Variants in IGSF8 observed in about 807,000 individuals in gnomAD.
The protein encoded by IGSF8 is immunoglobulin superfamily member 8, also known as CD81 partner 3.
A neutral mutation model predicts 55.5 loss-of-function variants in IGSF8; 46 were observed. The ratio of observed to expected loss-of-function variants is 0.83; its 90% confidence interval spans 0.65 to 1.06. The LOEUF (loss-of-function observed/expected upper bound fraction) is 1.06, where lower values mean the gene tolerates loss of function less well. IGSF8 is among the 50% of genes least tolerant of loss of function. The pLI, the probability that IGSF8 is intolerant of heterozygous loss-of-function variation, is 0.00. For missense variants in IGSF8, 731 were observed against 832.3 expected (o/e 0.88, Z 1.50); for synonymous variants, 314 against 356.1 (o/e 0.88, Z 1.33).
In IGSF8 at chr1:160,094,858, G is replaced by A. The variant is rs745985326; in HGVS notation, c.442+11C>T. On this transcript the variant is annotated intron_variant, in intron 2 of 6. Coordinates refer to ENST00000314485, the MANE Select transcript of IGSF8 (RefSeq NM_052868.6). This position sits in a 1 kb window ranked among gnomAD's most constrained non-coding sequence, Gnocchi z 4.0. ...GGGTGTGTGGCTCCACCCCGTCCCA[G>A]GGCCCAGTACCTCTCAGCTCCACCT... 2 of 1,602,208 alleles carry A rather than the reference G, an allele frequency of 1.2e-6. No homozygotes were observed. Among genetic ancestry groups the A allele is most frequent in the Admixed American group, 3.4e-5 (2 of 59,632 alleles).
At chr1:160,093,634 AC>A (rs1650179320) in intron 3 of IGSF8, 75 bp downstream of exon 3, 8 of 1,171,214 alleles carry the variant, frequency 6.8e-6, no homozygotes, top group East Asian at 2.5e-5. Flanking sequence ...GCTATCTGGT[AC>A]CCCCTGTGGC....
Position 160,091,523 on chromosome 1 carries a change from A to T in IGSF8, c.*101T>A. On this transcript the variant is annotated 3_prime_UTR_variant, in exon 7 of 7. Coordinates refer to ENST00000314485, the MANE Select transcript of IGSF8 (RefSeq NM_052868.6). The stretch of plus-strand genomic sequence containing the variant: ...GGTAGTGGGAGGTCAAATAAATTAA[A>T]GGAAGAGTGGACAGAGGGAGAGGGT... The T allele has an allele frequency of 5.5e-6, 2 of 362,930 alleles. No individual in the cohort carries two copies. The highest frequency in any genetic ancestry group is 3.4e-5 in the South Asian group (1 of 29,402). The allele number at this position is 362,930 out of a possible 1,614,324, so 22.5% of individuals were successfully genotyped here.
chr1:160,094,861 C>T lies in IGSF8; in HGVS notation c.442+8G>A, dbSNP rs149750540. ...TGTGTGGCTCCACCCCGTCCCAGGG[C>T]CCAGTACCTCTCAGCTCCACCTTGC... On this transcript the variant is annotated splice_region_variant and intron_variant, in intron 2 of 6. Transcript: ENST00000314485. This position sits in a 1 kb window ranked among gnomAD's most constrained non-coding sequence, Gnocchi z 4.0. The T allele has an allele frequency of 1.3e-4, 216 of 1,608,694 alleles. No homozygotes were observed. Among genetic ancestry groups the T allele is most frequent in the Non-Finnish European group, 1.7e-4 (196 of 1,176,672 alleles).
In IGSF8 at chr1:160,093,221, C is replaced by T. The variant is rs776290606; in HGVS notation, c.1015G>A (p.Ala339Thr). ...ATCTCCCAACCTACAGAGTATGCAG[C>T]ATGACGGCCTGCTGGGGGAAGTGCC... ...SGALPPAGRH[A>T]AYSVGWEMAP... Residue 339 changes from alanine (A) to threonine (T), a missense_variant, in exon 4 of 7, where the codon GCT (alanine) becomes ACT (threonine). By Grantham distance (58) the Ala-to-Thr change is moderately conservative. Coordinates refer to ENST00000314485, the MANE Select transcript of IGSF8 (RefSeq NM_052868.6). 2.5e-6 allele frequency: 4 copies of T among 1,613,956 alleles called. No homozygotes were observed. The East Asian group carries it at 8.9e-5, about 36-fold the overall frequency.
intron 1 of IGSF8, among the ~76,000 whole-genome samples, chr1:160,097,335 T>C (rs986397440): frequency 2.0e-5 from 3 of 152,078 alleles, no homozygotes; most frequent in Admixed American, 2.0e-4. Flanking sequence ...CTGTACATCC[T>C]CCTGCCACCT....
At chr1:160,096,289 T>G (rs537340466) in intron 1 of IGSF8, among the ~76,000 whole-genome samples, 1 of 152,152 alleles carries the variant, frequency 6.6e-6, no homozygotes, top group Admixed American at 6.5e-5. Context: ...TCTCCCAATT[T>G]TACAGATGAG....
intron 4 of IGSF8, 68 bp downstream of exon 4, chr1:160,092,856 G>A: frequency 1.3e-6 from 2 of 1,523,800 alleles, no homozygotes; most frequent in East Asian, 2.3e-5. Context: ...AGAGGGAGGG[G>A]TCATGGAAAC....
At chr1:160,093,612 A>G (rs1417399386) in intron 3 of IGSF8, 98 bp downstream of exon 3, 1 of 996,204 alleles carries the variant, frequency 1.0e-6, no homozygotes, top group South Asian at 1.7e-5. Context: ...AGTTCCTTGG[A>G]GTCAGATGAT....
At position 160,092,933 on chromosome 1, in the gene IGSF8, G is replaced by A. The variant is rs763458807; in HGVS notation, c.1303C>T (p.Arg435Trp). Residue 435 changes from arginine to tryptophan, a missense_variant, in exon 4 of 7, where the codon CGG becomes TGG. Transcript: ENST00000314485. ...ARSRPLPVHV[R>W]EEGVVLEAVA... is the part of the protein sequence containing the mutation. Reference sequence around the variant, plus strand: ...CCCAGCCCCCTCTCACCTTCCTCCCGCACATGTACAGGGAGAGGCCGGGAA... The same window carrying A: ...CCCAGCCCCCTCTCACCTTCCTCCCACACATGTACAGGGAGAGGCCGGGAA... The A allele has an allele frequency of 5.6e-5, 89 of 1,595,022 alleles. No individual in the cohort carries two copies. The highest frequency in any genetic ancestry group is 5.0e-4 in the Middle Eastern group (3 of 6,008).
chr1:160,099,131 G>A (rs1353192700), upstream of IGSF8, among the ~76,000 whole-genome samples: 2 of 149,370 alleles, frequency 1.3e-5, no homozygotes, highest in Admixed American at 1.3e-4. Context: ...GGCTCCGCCC[G>A]AGGCCCCCGC....
Position 160,092,399 on chromosome 1 carries a change from C to T in IGSF8, c.1609G>A (p.Glu537Lys), listed in dbSNP as rs780306498. 12 of 1,609,938 alleles carry T rather than the reference C, an allele frequency of 7.5e-6. No homozygotes were observed. The highest frequency in any genetic ancestry group is 1.1e-5 in the South Asian group (1 of 90,996). Residue 537 changes from glutamate (E) to lysine (K), a missense_variant, in exon 5 of 7, where the codon GAG becomes AAG. Glu to Lys is a moderately conservative substitution (Grantham distance 56, BLOSUM62 1). Coordinates refer to ENST00000314485, the MANE Select transcript of IGSF8 (RefSeq NM_052868.6). ...GCACAGTGGTACACGCCTTCATCCT[C>T]GGGCCCCAAGCTGTGTAGTCTCAGC... The part of the protein sequence containing the change: ...HRLRLHSLGP[E>K]DEGVYHCAPS...
rs1650622655 is a variant in IGSF8 at position 160,098,612 on chromosome 1, T to C, written c.-140A>G. 1.7e-6 allele frequency: 1 copy of C among 580,552 alleles called. No individual in the cohort carries two copies. The highest frequency in any genetic ancestry group is 3.2e-5 in the Admixed American group (1 of 31,000). 36.0% of individuals were successfully genotyped at this position (580,552 alleles called of 1,614,324 possible). On this transcript the variant is annotated 5_prime_UTR_variant, in exon 1 of 7. Coordinates refer to ENST00000314485, the MANE Select transcript of IGSF8 (RefSeq NM_052868.6). ...TGCGCCGAGCGAGCTGAACTGGAGC[T>C]GCCGAATCCCCTCCCTCCGCCCCTC...
chr1:160,094,833 G>A lies in IGSF8; in HGVS notation c.442+36C>T. On this transcript the variant is annotated intron_variant, in intron 2 of 6. Coordinates refer to ENST00000314485, the MANE Select transcript of IGSF8 (RefSeq NM_052868.6). The surrounding 1 kb of genome is among the most constrained non-coding windows in gnomAD (Gnocchi z 4.0). ...GTGGCCTTGACTTTCTGCCTTGAGA[G>A]GGTGTGTGGCTCCACCCCGTCCCAG... 2.5e-6 allele frequency: 4 copies of A among 1,580,174 alleles called. No individual in the cohort carries two copies. Among genetic ancestry groups the A allele is most frequent in the Non-Finnish European group, 3.5e-6 (4 of 1,158,668 alleles).
chr1:160,095,447 C>T (rs1353595826), intron 1 of IGSF8: 2 of 617,640 alleles, frequency 3.2e-6, no homozygotes, highest in Non-Finnish European at 5.6e-6. Context: ...TGGCATGGGC[C>T]CAGGATTGCC....
rs1650045640 is a variant in IGSF8 at position 160,092,531 on chromosome 1, G to C, written c.1477C>G (p.Pro493Ala). 1 of 1,612,754 alleles carries C rather than the reference G, an allele frequency of 6.2e-7. No individual in the cohort carries two copies. Among genetic ancestry groups the C allele is most frequent in the Admixed American group, 1.7e-5 (1 of 59,978 alleles). ...RPEDGELSSV[P>A]AQLVGGVGQD... is the part of the protein sequence containing the mutation. ...CCTACGCCACCCACCAGCTGGGCAG[G>C]GACAGAGCTGAGCTCTCCGTCCTCT... The change falls in exon 5 of 7, where the codon CCT (proline) becomes GCT (alanine). Residue 493 changes from proline to alanine, a missense_variant. By Grantham distance (27) the Pro-to-Ala change is conservative. Transcript: ENST00000314485.
intron 1 of IGSF8, among the ~76,000 whole-genome samples, chr1:160,097,553 C>G (rs1443167806): frequency 6.6e-6 from 1 of 152,182 alleles, no homozygotes; most frequent in Non-Finnish European, 1.5e-5. Flanking sequence ...TCAGCCTCAT[C>G]AACATCTGTA....
rs767438948 is a variant in IGSF8 at position 160,095,214 on chromosome 1, G to T, written c.97C>A (p.Pro33Thr). Reference sequence around the variant, plus strand: ...GCCACGCGGTACAAGGGCCCCTCGGGGACCAGCACCTCCCGGGCCCAGCAT... The same window carrying T: ...GCCACGCGGTACAAGGGCCCCTCGGTGACCAGCACCTCCCGGGCCCAGCAT... ...MGCWAREVLV[P>T]EGPLYRVAGT... is the part of the protein sequence containing the mutation. Residue 33 changes from proline (P) to threonine (T), a missense_variant, in exon 2 of 7, where the codon CCC (proline) becomes ACC (threonine). By Grantham distance (38) the Pro-to-Thr change is conservative. Transcript: ENST00000314485. 31 of 1,606,164 alleles carry T rather than the reference G, an allele frequency of 1.9e-5. No homozygotes were observed. In the East Asian group the frequency reaches 6.7e-4, roughly 35 times the overall value.
In IGSF8 at chr1:160,091,941, G is replaced by C; in HGVS notation, c.1727-3C>G. The C allele has an allele frequency of 6.3e-7, 1 of 1,581,570 alleles. No homozygotes were observed. Among genetic ancestry groups the C allele is most frequent in the Non-Finnish European group, 8.7e-7 (1 of 1,150,430 alleles). ...AGGCACAAATAGGGTGTCCAGGGCT[G>C]GGGGAGAGAGGATGACTGTTCAGAG... On this transcript the variant is annotated splice_polypyrimidine_tract_variant and splice_region_variant and intron_variant, in intron 5 of 6. Coordinates refer to ENST00000314485, the MANE Select transcript of IGSF8 (RefSeq NM_052868.6).
Position 160,092,519 on chromosome 1 carries a change from CCAGCTGGG to C in IGSF8, c.1481_1488del (p.Ala494GlyfsTer43). On this transcript the variant is annotated frameshift_variant, in exon 5 of 7. Transcript: ENST00000314485. LOFTEE classifies it high-confidence loss of function. ...ACACCATCCTGGCCTACGCCACCCA[CCAGCTGGG>C]CAGGGACAGAGCTGAGCTCTCCGTC... The C allele has an allele frequency of 1.2e-6, 2 of 1,613,212 alleles. No homozygotes were observed. Among genetic ancestry groups the C allele is most frequent in the Non-Finnish European group, 1.7e-6 (2 of 1,179,756 alleles).
Sources: allele counts gnomAD v4.1 joint callset (sites outside exome capture counted in the v4.1 genomes callset), GRCh38; gene constraint gnomAD v4.1.1; non-coding constraint Gnocchi (gnomAD v3.1); transcripts MANE v1.5; gene names NCBI Gene and HGNC (gene_info 2026-07-23, HGNC 2026-07-21).